SVEP1: variants seen among roughly 807,000 people sequenced by gnomAD.
SVEP1 encodes the protein sushi, von Willebrand factor type A, EGF and pentraxin domain-containing protein 1.
Under a neutral mutation model 367.3 loss-of-function variants are expected in SVEP1, and 164 were observed. That is an observed-to-expected ratio of 0.45 (90% CI 0.39 to 0.51). The LOEUF is 0.51. Among genes scored for constraint, SVEP1 ranks in the 20% least tolerant of loss-of-function variants. SVEP1 has a pLI of 0.00. For synonymous variants in SVEP1, 1,666 were observed against 1,611.6 expected, an observed-to-expected ratio of 1.03 and a Z score of -0.81; for missense variants, 4,117 against 4,425.3, an observed-to-expected ratio of 0.93 and a Z score of 1.98.
rs573130748 is a variant in SVEP1, at chr9:110,392,993, A to G, written c.9823-3406T>C. On this transcript the variant is annotated intron_variant, in intron 40 of 47. Transcript: ENST00000374469. ...TGGTAATTTCTCCAAGTAACTGAAC[A>G]TCAATATTTTAAAAACTTTCTCAAG... Among the ~76,000 whole-genome samples the G allele has an allele frequency of 5.3e-5, 8 of 152,324 alleles. No homozygotes were observed. In the South Asian group the frequency reaches 1.7e-3, roughly 32 times the overall value.
intron 3 of SVEP1, among the ~76,000 whole-genome samples, chr9:110,522,276 C>A (rs889319366): frequency 6.6e-6 from 1 of 152,044 alleles, no homozygotes; most frequent in South Asian, 2.1e-4. Flanking sequence ...AATTTGAGAG[C>A]CTTCTGGGAG....
chr9:110,465,749 A>ATAAC, intron 18 of SVEP1, 116 bp downstream of exon 18: 1 of 1,277,072 alleles, frequency 7.8e-7, no homozygotes, highest in Non-Finnish European at 1.0e-6. Flanking sequence ...ATGAAGAGAC[A>ATAAC]GTTATTTCCA....
chr9:110,512,847 C>T, intron 5 of SVEP1, 79 bp downstream of exon 5: 1 of 1,517,450 alleles, frequency 6.6e-7, no homozygotes, highest in Non-Finnish European at 9.1e-7. Context: ...AAATGAAGAA[C>T]TGACTGGTTT....
At chr9:110,484,342 C>T (rs1829244897) in intron 9 of SVEP1, among the ~76,000 whole-genome samples, 1 of 152,150 alleles carries the variant, frequency 6.6e-6, no homozygotes, top group African/African-American at 2.4e-5. Context: ...ATGAAAGCCA[C>T]AGCAGAAGTT....
intron 1 of SVEP1, among the ~76,000 whole-genome samples, chr9:110,565,951 A>G (rs987217383): frequency 1.3e-5 from 2 of 152,042 alleles, no homozygotes; most frequent in Admixed American, 6.6e-5. Context: ...CAACCTAACC[A>G]GTAGTATCAC....
At chr9:110,398,370 G>T (rs1827802542) in intron 40 of SVEP1, among the ~76,000 whole-genome samples, 1 of 152,098 alleles carries the variant, frequency 6.6e-6, no homozygotes, top group South Asian at 2.1e-4. Context: ...TTAAATGTTA[G>T]ACCTAAAACC....
At chr9:110,482,533 A>G in intron 10 of SVEP1, 41 bp from the exon 11 acceptor site, 1 of 1,547,558 alleles carries the variant, frequency 6.5e-7, no homozygotes, top group Non-Finnish European at 8.7e-7. Context: ...GGTTGTATTC[A>G]CAATATTTTT....
chr9:110,416,795 G>A (rs1204399873), intron 36 of SVEP1, among the ~76,000 whole-genome samples: 1 of 152,016 alleles, frequency 6.6e-6, no homozygotes, highest in Non-Finnish European at 1.5e-5. Context: ...ACAAGAATTT[G>A]ACCAGAGTTT....
At chr9:110,524,679 G>A (rs931592611) in intron 3 of SVEP1, among the ~76,000 whole-genome samples, 3 of 149,542 alleles carry the variant, frequency 2.0e-5, no homozygotes, top group African/African-American at 7.4e-5. Flanking sequence ...TCAATGAAGA[G>A]AAACCTCAAA....
intron 27 of SVEP1, among the ~76,000 whole-genome samples, chr9:110,441,276 C>T (rs1401743439): frequency 2.6e-5 from 4 of 152,144 alleles, no homozygotes; most frequent in Admixed American, 2.6e-4. Context: ...CAAAAGCAGC[C>T]TCTATATTAA....
At chr9:110,432,203 G>T (rs531337407) in intron 31 of SVEP1, among the ~76,000 whole-genome samples, 169 bp from the exon 32 acceptor site, 3 of 152,064 alleles carry the variant, frequency 2.0e-5, no homozygotes, top group South Asian at 4.1e-4. Context: ...TACAATAAAA[G>T]CTATTATTTC....
chr9:110,486,902 C>T (rs1222293015), intron 9 of SVEP1, among the ~76,000 whole-genome samples: 1 of 151,886 alleles, frequency 6.6e-6, no homozygotes, highest in African/African-American at 2.4e-5. Flanking sequence ...GCCTCGGCCT[C>T]CCAATGTGCT....
intron 17 of SVEP1, 138 bp from the exon 18 acceptor site, chr9:110,466,164 T>C (rs2118654845): frequency 1.2e-6 from 1 of 864,270 alleles, no homozygotes; most frequent in African/African-American, 1.7e-5. Flanking sequence ...CTTTCTCCTG[T>C]TAGCTAAGCA....
intron 1 of SVEP1, among the ~76,000 whole-genome samples, chr9:110,571,301 GC>G (rs369252264): frequency 5.7e-4 from 86 of 152,138 alleles, no homozygotes; most frequent in African/African-American, 2.0e-3. Flanking sequence ...TTCTTTTTCA[GC>G]AATAAAGCTC....
Position 110,489,672 on chromosome 9 carries a change from G to A in SVEP1, c.1908C>T (p.Cys636=), listed in dbSNP as rs774363335. Reference sequence around the variant, plus strand: ...TACCAATAACCTTGATATGGAAAATGCAGCTGGCCTGGTTGCCGGATAGGT... The same window carrying A: ...TACCAATAACCTTGATATGGAAAATACAGCTGGCCTGGTTGCCGGATAGGT... ...ATDLSGNQAS[C]IFHIKVIDAE... The change falls in exon 9 of 48, where the codon TGC becomes TGT. Residue 636 remains cysteine, a synonymous_variant. Transcript: ENST00000374469. The A allele has an allele frequency of 3.1e-5, 50 of 1,613,026 alleles. No individual in the cohort carries two copies. Among genetic ancestry groups the A allele is most frequent in the Non-Finnish European group, 4.1e-5 (48 of 1,179,454 alleles).
chr9:110,448,262 T>C (rs1191569017), intron 24 of SVEP1, among the ~76,000 whole-genome samples: 1 of 152,256 alleles, frequency 6.6e-6, no homozygotes, highest in African/African-American at 2.4e-5. Context: ...GAATCAAATA[T>C]GGCAAAATAT....
intron 21 of SVEP1, among the ~76,000 whole-genome samples, 165 bp from the exon 22 acceptor site, chr9:110,455,868 G>T (rs1174714742): frequency 6.6e-6 from 1 of 152,148 alleles, no homozygotes; most frequent in Non-Finnish European, 1.5e-5. Context: ...TTTAATGAAG[G>T]TAATACCTCT....
rs946738078 is a variant in SVEP1, at chr9:110,546,645, A to C, written c.788-354T>G. ...CTGGCTTCCAAAGCAGCAGCATTCC[A>C]CTGCCTCTGGGTGAGGTCAGGCCCC... On this transcript the variant is annotated intron_variant, in intron 2 of 47. Transcript: ENST00000374469. Among the ~76,000 whole-genome samples the C allele has an allele frequency of 2.6e-5, 4 of 152,174 alleles. No individual in the cohort carries two copies. In the East Asian group the frequency reaches 7.7e-4, roughly 29 times the overall value.
At chr9:110,562,406 T>C (rs10980445) in intron 1 of SVEP1, among the ~76,000 whole-genome samples, 16,869 of 152,136 alleles carry the variant, frequency 0.11, 1,159 homozygotes, top group East Asian at 0.33. Context: ...CTATACAATA[T>C]GATCAAGTAG....
Sources: allele counts gnomAD v4.1 joint callset (sites outside exome capture counted in the v4.1 genomes callset), GRCh38; gene constraint gnomAD v4.1.1; transcripts MANE v1.5; gene names NCBI Gene and HGNC (gene_info 2026-07-23, HGNC 2026-07-21).